The following SERHL2 variants were observed in gnomAD, a reference collection of about 807,000 sequenced individuals.
SERHL2 encodes the protein serine hydrolase like 2.
A neutral mutation model predicts 25.5 loss-of-function variants in SERHL2; 29 were observed. The ratio of observed to expected loss-of-function variants is 1.14; its 90% CI spans 0.85 to 1.55. The LOEUF is 1.55. Ranked by LOEUF, SERHL2 falls within the 40% of genes most tolerant of loss-of-function variation. SERHL2 has a pLI of 0.00. For missense variants in SERHL2, 240 were observed against 252.3 expected (o/e 0.95, Z 0.33); for synonymous variants, 95 against 103.5 (o/e 0.92, Z 0.50).
chr22:42,559,229 T>TTAAAAAAAAA (rs1311060187), intron 7 of SERHL2, among the ~76,000 whole-genome samples: 1 of 69,318 alleles, frequency 1.4e-5, no homozygotes, highest in African/African-American at 9.1e-5. Flanking sequence ...ACCCTGTATT[T>TTAAAAAAAAA]AAAAAAAAAA....
rs142867325 is a variant in SERHL2, at chr22:42,560,205, C to G, written c.553C>G (p.His185Asp). Residue 185 changes from histidine (H) to aspartate (D), a missense_variant, in exon 8 of 12, where the codon CAC (histidine) becomes GAC (aspartate). This residue lies in a region of SERHL2 where 212 missense variants were observed against 168.9 expected (regional missense o/e 1.25). Coordinates refer to ENST00000327678, the MANE Select transcript of SERHL2 (RefSeq NM_014509.5). The stretch of plus-strand genomic sequence containing the variant: ...CCCCAGGTTACTGAAGAGCAATAGC[C>G]ACTTGAGTGAGGAGTGCGGGGAGCT... ...LLQRLLKSNS[H>D]LSEECGELLL... The G allele has an allele frequency of 8.1e-6, 13 of 1,612,660 alleles. No homozygotes were observed. Among genetic ancestry groups the G allele is most frequent in the Non-Finnish European group, 1.0e-5 (12 of 1,179,056 alleles).
At chr22:42,560,398 TC>T in intron 8 of SERHL2, 133 bp downstream of exon 8, 1 of 680,528 alleles carries the variant, frequency 1.5e-6, no homozygotes. Context: ...CCCTCCTGCC[TC>T]ACCCTCATCC....
At chr22:42,570,427 A>ATG (rs1924005488) in intron 9 of SERHL2, among the ~76,000 whole-genome samples, 1 of 151,964 alleles carries the variant, frequency 6.6e-6, no homozygotes, top group Non-Finnish European at 1.5e-5. Flanking sequence ...TCAAATAAAT[A>ATG]AGGCTCTAAC....
chr22:42,567,633 C>A (rs554331231), intron 9 of SERHL2, among the ~76,000 whole-genome samples: 15 of 150,886 alleles, frequency 9.9e-5, no homozygotes, highest in African/African-American at 3.6e-4. Context: ...CACTGCAGTT[C>A]GCAGTCCGGC....
At position 42,560,177 on chromosome 22, in the gene SERHL2, T is replaced by A. The variant is rs553854204; in HGVS notation, c.534-9T>A. ...TCCAGGCACCCAGCATCCTTCTGTC[T>A]CCCCCCAGGTTACTGAAGAGCAATA... On this transcript the variant is annotated splice_polypyrimidine_tract_variant and intron_variant, in intron 7 of 11. Coordinates refer to ENST00000327678, the MANE Select transcript of SERHL2 (RefSeq NM_014509.5). 2.0e-4 allele frequency: 319 copies of A among 1,607,030 alleles called. 3 individuals are homozygous for A. In the South Asian group the frequency reaches 3.3e-3, roughly 17 times the overall value.
rs149111263 is a variant in SERHL2, at chr22:42,565,512, G to T, written c.614-792G>T. On this transcript the variant is annotated intron_variant, in intron 8 of 11. Coordinates refer to ENST00000327678, the MANE Select transcript of SERHL2 (RefSeq NM_014509.5). ...AGCTAATTTTTGTATTTTTAGTAGA[G>T]ACCAGGTTTAACCATATTGCCCAGG... Among the ~76,000 whole-genome samples, 456 of 151,942 alleles carry T rather than the reference G, an allele frequency of 3.0e-3. 4 individuals are homozygous for T. Among genetic ancestry groups the T allele is most frequent in the African/African-American group, 0.01 (420 of 41,504 alleles).
intron 7 of SERHL2, among the ~76,000 whole-genome samples, chr22:42,559,592 C>G (rs1025805860): frequency 2.0e-5 from 3 of 151,528 alleles, no homozygotes; most frequent in Non-Finnish European, 2.9e-5. Flanking sequence ...GAATATCTAT[C>G]CAGAAGAGGC....
At chr22:42,564,135 TA>T (rs899322198) in intron 8 of SERHL2, among the ~76,000 whole-genome samples, 1 of 151,714 alleles carries the variant, frequency 6.6e-6, no homozygotes, top group Non-Finnish European at 1.5e-5. Context: ...GAGTCATAGT[TA>T]AAAGGTCATG....
At chr22:42,554,110 C>A (rs1569272071) in intron 1 of SERHL2, 68 bp downstream of exon 1, 3 of 1,569,548 alleles carry the variant, frequency 1.9e-6, no homozygotes, top group Non-Finnish European at 2.6e-6. Flanking sequence ...TAGAAGAGGG[C>A]GGGATGGAGT....
At chr22:42,571,273 G>A (rs1924146727) in intron 10 of SERHL2, 70 bp downstream of exon 10, 2 of 1,600,142 alleles carry the variant, frequency 1.2e-6, no homozygotes, top group Admixed American at 3.4e-5. Flanking sequence ...CCGGGAGGGG[G>A]CCCTGGCATG....
chr22:42,566,849 C>T (rs1286157148), intron 9 of SERHL2, among the ~76,000 whole-genome samples: 1 of 152,286 alleles, frequency 6.6e-6, no homozygotes, highest in Non-Finnish European at 1.5e-5. Flanking sequence ...CACTGGAGCA[C>T]TTGTATTAAT....
At position 42,554,120 on chromosome 22, in the gene SERHL2, T is replaced by C. The variant is rs370306459; in HGVS notation, c.22+78T>C. 153 of 1,537,928 alleles carry C rather than the reference T, an allele frequency of 9.9e-5. No homozygotes were observed. In the African/African-American group the frequency reaches 1.7e-3, roughly 17 times the overall value. On this transcript the variant is annotated intron_variant, in intron 1 of 11. Coordinates refer to ENST00000327678, the MANE Select transcript of SERHL2 (RefSeq NM_014509.5). ...GACAGTAGAAGAGGGCGGGATGGAG[T>C]GGAGGGTTCGCCGACCGCGTCGCCC...
Position 42,554,001 on chromosome 22 carries a change from G to A in SERHL2, c.-20G>A. 1.2e-6 allele frequency: 2 copies of A among 1,613,392 alleles called. No homozygotes were observed. Among genetic ancestry groups the A allele is most frequent in the Non-Finnish European group, 1.7e-6 (2 of 1,179,664 alleles). On this transcript the variant is annotated 5_prime_UTR_variant, in exon 1 of 12. Coordinates refer to ENST00000327678, the MANE Select transcript of SERHL2 (RefSeq NM_014509.5). ...CCAGGCGTGAGGGAGTGACAGCAGC[G>A]CATTCGCGGGACGAGAGCGATGAGT...
intron 8 of SERHL2, among the ~76,000 whole-genome samples, chr22:42,563,812 G>A (rs551102992): frequency 6.6e-6 from 1 of 152,096 alleles, no homozygotes; most frequent in African/African-American, 2.4e-5. Context: ...AGTGGCTCAT[G>A]CCTGTAATCC....
chr22:42,566,174 G>C (rs1027359358), intron 8 of SERHL2, 130 bp from the exon 9 acceptor site: 12 of 847,648 alleles, frequency 1.4e-5, no homozygotes, highest in Non-Finnish European at 2.1e-5. Context: ...GGGCAGCTGA[G>C]GACGTCGGGG....
chr22:42,562,528 G>C (rs1481747319), intron 8 of SERHL2, among the ~76,000 whole-genome samples: 1 of 151,852 alleles, frequency 6.6e-6, no homozygotes, highest in Non-Finnish European at 1.5e-5. Flanking sequence ...GCGTGAGAAG[G>C]GGAGGGCTCG....
intron 8 of SERHL2, among the ~76,000 whole-genome samples, chr22:42,561,517 T>G (rs1922676987): frequency 6.6e-6 from 1 of 150,780 alleles, no homozygotes; most frequent in East Asian, 2.0e-4. Flanking sequence ...GAGTTGAGGG[T>G]GCAGGCCGGG....
At chr22:42,566,163 TGGGCAGCTGAGGACGTCGG>T in intron 8 of SERHL2, 122 bp from the exon 9 acceptor site, 1 of 766,238 alleles carries the variant, frequency 1.3e-6, no homozygotes, top group South Asian at 1.6e-5. Context: ...CAGGGAGTCC[TGGGCAGCTGAGGACGTCGG>T]GGGCAGGTGG....
chr22:42,566,100 A>G (rs1923342963), intron 8 of SERHL2, among the ~76,000 whole-genome samples: 1 of 152,028 alleles, frequency 6.6e-6, no homozygotes. Context: ...GTGGGCTGAC[A>G]GGTCTGTGGC....
Sources: gnomAD v4.1 joint callset for allele counts (sites outside exome capture counted in the v4.1 genomes callset) on GRCh38, gnomAD v4.1.1 for gene constraint, gnomAD v4.1.1 regional missense constraint, MANE v1.5 for transcripts, NCBI Gene and HGNC (gene_info 2026-07-23, HGNC 2026-07-21) for gene names.